Variants in EZH2 observed in about 807,000 individuals in gnomAD.
EZH2 encodes histone-lysine N-methyltransferase EZH2.
In EZH2, 18 loss-of-function variants were observed where a neutral mutation model predicts 98.4. The observed-to-expected ratio is 0.18, with a 90% CI of 0.13 to 0.27. The LOEUF (loss-of-function observed/expected upper bound fraction) is 0.27, where lower values mean the gene tolerates loss of function less well. Ranked by LOEUF, EZH2 falls within the 10% of genes least tolerant of loss-of-function variation. EZH2 has a pLI of 1.00. For missense variants in EZH2, 470 were observed against 935.1 expected, an observed-to-expected ratio of 0.50 and a Z score of 6.49; for synonymous variants, 338 against 312.3, an observed-to-expected ratio of 1.08 and a Z score of -0.87.
At position 148,833,408 on chromosome 7, in the gene EZH2, G is replaced by C. The variant is rs550516982; in HGVS notation, c.247-658C>G. Among the ~76,000 whole-genome samples the C allele has an allele frequency of 1.0e-3, 157 of 151,074 alleles. 2 individuals carry two copies. The highest frequency in any genetic ancestry group is 1.9e-3 in the Non-Finnish European group (128 of 67,844). ...GGAGGCGGAGCTTGCAGTGAGTCGAGATCGCGCCACTGCACTCCAGCCTGG... is the reference window on the plus strand; with the variant it reads ...GGAGGCGGAGCTTGCAGTGAGTCGACATCGCGCCACTGCACTCCAGCCTGG... On this transcript the variant is annotated intron_variant, in intron 3 of 19. Coordinates refer to ENST00000320356, the MANE Select transcript of EZH2 (RefSeq NM_004456.5).
At chr7:148,841,021 A>G (rs1011460312) in intron 3 of EZH2, among the ~76,000 whole-genome samples, 3 of 152,140 alleles carry the variant, frequency 2.0e-5, no homozygotes, top group Non-Finnish European at 4.4e-5. Flanking sequence ...AAAAACTACA[A>G]ATGAAAAGCA....
intron 8 of EZH2, among the ~76,000 whole-genome samples, chr7:148,820,826 A>G (rs1805852591): frequency 6.6e-6 from 1 of 152,234 alleles, no homozygotes; most frequent in East Asian, 1.9e-4. Context: ...ATAGAGAACA[A>G]GAATATTAAC....
rs1030555832 is a variant in EZH2, at chr7:148,817,573, T to C, written c.1241-182A>G. 1.3e-5 allele frequency: 9 copies of C among 682,902 alleles called. No individual in the cohort carries two copies. In the Admixed American group the frequency reaches 2.7e-4, roughly 21 times the overall value. The allele number at this position is 682,902 out of a possible 1,614,324, so 42.3% of individuals were successfully genotyped here. On this transcript the variant is annotated intron_variant, in intron 10 of 19. Coordinates refer to ENST00000320356, the MANE Select transcript of EZH2 (RefSeq NM_004456.5). ...ACTACTCACAGAACGTCAAGAATATTAAACCAAATGATCCAAATTTCATTA... is the reference window on the plus strand; with the variant it reads ...ACTACTCACAGAACGTCAAGAATATCAAACCAAATGATCCAAATTTCATTA...
chr7:148,847,104 TA>T, intron 2 of EZH2, 77 bp downstream of exon 2: 1 of 1,502,030 alleles, frequency 6.7e-7, no homozygotes, highest in Non-Finnish European at 8.9e-7. Context: ...TTATTTTAAA[TA>T]AAAACTTATT....
chr7:148,855,897 CAAAAAAAAAAAA>C (rs34692092), intron 1 of EZH2, among the ~76,000 whole-genome samples: 4 of 41,016 alleles, frequency 9.8e-5, no homozygotes, highest in Non-Finnish European at 1.3e-4. Flanking sequence ...GACTCCATCT[CAAAAAAAAAAAA>C]AAAAAAAAAA....
intron 1 of EZH2, among the ~76,000 whole-genome samples, chr7:148,868,128 A>G (rs563060024): frequency 6.6e-6 from 1 of 152,178 alleles, no homozygotes; most frequent in African/African-American, 2.4e-5. Flanking sequence ...AACTGTACCA[A>G]CCTGTGCCCA....
intron 1 of EZH2, among the ~76,000 whole-genome samples, chr7:148,849,106 T>C (rs1814998302): frequency 6.6e-6 from 1 of 151,524 alleles, no homozygotes; most frequent in African/African-American, 2.4e-5. Context: ...TGCAACCATC[T>C]TTTTTTTTCT....
chr7:148,832,603 C>T, intron 4 of EZH2, 31 bp downstream of exon 4: 1 of 1,132,392 alleles, frequency 8.8e-7, no homozygotes, highest in Non-Finnish European at 1.3e-6. Context: ...AAGTTATTAT[C>T]AAATAAGCAG....
chr7:148,865,370 G>T lies in EZH2; in HGVS notation c.-7-18065C>A, dbSNP rs1389759506. 1.3e-5 allele frequency among the ~76,000 whole-genome samples: 2 copies of T among 152,170 alleles called. 1 individual carries two copies. The highest frequency in any genetic ancestry group is 2.9e-5 in the Non-Finnish European group (2 of 68,042). On this transcript the variant is annotated intron_variant, in intron 1 of 19. Transcript: ENST00000320356. ...AATCTAACATACATTGAGCAAAAAT[G>T]TCAGAGAAAGCTCAATTTTGGTAGT... is the stretch of plus-strand genomic sequence containing the variant.
intron 1 of EZH2, among the ~76,000 whole-genome samples, chr7:148,876,824 G>A (rs902407103): frequency 6.6e-6 from 1 of 152,166 alleles, no homozygotes; most frequent in African/African-American, 2.4e-5. Context: ...GGGAAGTGGG[G>A]TGGTATTGTT....
Position 148,815,555 on chromosome 7 carries a change from A to C in EZH2, c.1506-9T>G. 2 of 1,614,134 alleles carry C rather than the reference A, an allele frequency of 1.2e-6. No individual in the cohort carries two copies. The highest frequency in any genetic ancestry group is 1.6e-4 in the Middle Eastern group (1 of 6,062). On this transcript the variant is annotated splice_polypyrimidine_tract_variant and intron_variant, in intron 12 of 19. Transcript: ENST00000320356. ...AGTGTGCAGCCCACAACCTGCAAAA[A>C]CACAAAGAAAATTAAACCAAATTTC...
At chr7:148,821,873 T>G (rs1175763509) in intron 8 of EZH2, among the ~76,000 whole-genome samples, 2 of 152,114 alleles carry the variant, frequency 1.3e-5, no homozygotes, top group Non-Finnish European at 2.9e-5. Context: ...TCTAAATAAA[T>G]AAATTTATAT....
At chr7:148,865,125 CAAAAAAAAA>C (rs201434328) in intron 1 of EZH2, among the ~76,000 whole-genome samples, 12 of 92,382 alleles carry the variant, frequency 1.3e-4, no homozygotes, top group African/African-American at 4.3e-4. Flanking sequence ...AGACTTGTCT[CAAAAAAAAA>C]AAAAAAAAAG....
intron 5 of EZH2, among the ~76,000 whole-genome samples, chr7:148,829,387 C>A (rs1808670771): frequency 6.6e-6 from 1 of 152,122 alleles, no homozygotes; most frequent in Admixed American, 6.6e-5. Context: ...CCCCTATATG[C>A]CACAGAAGCA....
At chr7:148,843,868 T>A (rs1813226563) in intron 3 of EZH2, among the ~76,000 whole-genome samples, 2 of 152,090 alleles carry the variant, frequency 1.3e-5, no homozygotes, top group Admixed American at 1.3e-4. Context: ...GTGCTGGGAT[T>A]ACAGGCGTGA....
Position 148,807,495 on chromosome 7 carries a change from A to ATT in EZH2, c.*149_*150dup, listed in dbSNP as rs1801776597. 5 of 668,676 alleles carry ATT rather than the reference A, an allele frequency of 7.5e-6. No individual in the cohort carries two copies. In the South Asian group the frequency reaches 9.9e-5, roughly 13 times the overall value. 41.4% of individuals were successfully genotyped at this position (668,676 alleles called of 1,614,324 possible). On this transcript the variant is annotated 3_prime_UTR_variant, in exon 20 of 20. Transcript: ENST00000320356. ...CTGGTGAGAAGGCAATAAAAAGTTG[A>ATT]TTTTTAAACTCATTACTATAAATTA...
Position 148,807,922 on chromosome 7 carries a change from C to G in EZH2, c.2196-216G>C, listed in dbSNP as rs142215614. ...TGTGTTGCTGGCCATCTAATTGAGA[C>G]GCTGCCAAGTTCTGAAGTGAACAAA... is the stretch of plus-strand genomic sequence containing the variant. On this transcript the variant is annotated intron_variant, in intron 19 of 19. Transcript: ENST00000320356. Among the ~76,000 whole-genome samples the G allele has an allele frequency of 7.9e-5, 12 of 151,958 alleles. 1 individual carries two copies. The highest frequency in any genetic ancestry group is 1.3e-4 in the Non-Finnish European group (9 of 68,008).
At chr7:148,866,298 G>A (rs902671406) in intron 1 of EZH2, among the ~76,000 whole-genome samples, 8 of 151,974 alleles carry the variant, frequency 5.3e-5, no homozygotes, top group African/African-American at 1.7e-4. Flanking sequence ...ACAGTATTAA[G>A]AGATGGGGCC....
chr7:148,810,225 T>C lies in EZH2; in HGVS notation c.2029+108A>G, dbSNP rs915559320. On this transcript the variant is annotated intron_variant, in intron 17 of 19. Transcript: ENST00000320356. ...GCCCCCCATGCCTCTAAGGAGATCC[T>C]CCTTCTGGTCACCTCACTGACCTCT... 5 of 729,552 alleles carry C rather than the reference T, an allele frequency of 6.9e-6. No homozygotes were observed. The African/African-American group carries it at 8.6e-5, about 13-fold the overall frequency. 45.2% of individuals were successfully genotyped at this position (729,552 alleles called of 1,614,324 possible). A position where few individuals can be genotyped will look rare whatever the true frequency, so the allele number is the denominator to read the frequency against.
Sources: allele counts gnomAD v4.1 joint callset (sites outside exome capture counted in the v4.1 genomes callset), GRCh38; gene constraint gnomAD v4.1.1; transcripts MANE v1.5; gene names NCBI Gene and HGNC (gene_info 2026-07-23, HGNC 2026-07-21).